PTPRD: variants seen among roughly 807,000 people sequenced by gnomAD.
The protein encoded by PTPRD is protein tyrosine phosphatase receptor type D.
In PTPRD, 34 loss-of-function variants were observed where a neutral mutation model predicts 214.5. That is an observed-to-expected ratio of 0.16 (90% CI 0.12 to 0.21). The LOEUF (loss-of-function observed/expected upper bound fraction) is 0.21, where lower values mean the gene tolerates loss of function less well. Among genes scored for constraint, PTPRD ranks in the 10% least tolerant of loss-of-function variants. PTPRD has a pLI of 1.00. For missense variants in PTPRD, 2,545 were observed against 2,398.7 expected, an observed-to-expected ratio of 1.06 and a Z score of -1.27; for synonymous variants, 1,128 against 845.7, an observed-to-expected ratio of 1.33 and a Z score of -5.79.
intron 11 of PTPRD, among the ~76,000 whole-genome samples, chr9:8,940,771 T>C (rs2099028679): frequency 6.6e-6 from 1 of 152,062 alleles, no homozygotes; most frequent in Non-Finnish European, 1.5e-5. Flanking sequence ...CCCCTTTCAG[T>C]ACTGTTCCTT....
intron 7 of PTPRD, among the ~76,000 whole-genome samples, chr9:9,712,385 T>C (rs1028435864): frequency 6.6e-5 from 10 of 151,496 alleles, no homozygotes; most frequent in East Asian, 2.1e-4. Flanking sequence ...TAAACTTTGA[T>C]TGTAATTTAA....
intron 9 of PTPRD, among the ~76,000 whole-genome samples, chr9:9,248,179 A>C (rs2099973893): frequency 6.6e-6 from 1 of 151,954 alleles, no homozygotes; most frequent in Non-Finnish European, 1.5e-5. Flanking sequence ...TGCAACCTTT[A>C]ACTCCCAGGT....
intron 11 of PTPRD, among the ~76,000 whole-genome samples, chr9:8,803,486 T>C (rs191635362): frequency 1.9e-3 from 289 of 152,322 alleles, no homozygotes; most frequent in African/African-American, 6.8e-3. Flanking sequence ...AGCATTATTA[T>C]CTTTAACCTT....
intron 7 of PTPRD, among the ~76,000 whole-genome samples, chr9:9,586,206 A>T (rs2091920827): frequency 6.6e-6 from 1 of 151,868 alleles, no homozygotes; most frequent in South Asian, 2.1e-4. Context: ...TTCCCCTTCC[A>T]ATTACAGGGC....
At chr9:8,707,888 T>C (rs1329371839) in intron 12 of PTPRD, among the ~76,000 whole-genome samples, 2 of 152,222 alleles carry the variant, frequency 1.3e-5, no homozygotes, top group East Asian at 3.9e-4. Flanking sequence ...GGTTGTGTAT[T>C]GTCTCTCTCA....
intron 7 of PTPRD, among the ~76,000 whole-genome samples, chr9:9,628,749 G>A (rs2095498064): frequency 6.6e-6 from 1 of 151,816 alleles, no homozygotes; most frequent in African/African-American, 2.4e-5. Flanking sequence ...GTTTTTCCAT[G>A]ATTATGTAAT....
At chr9:9,828,207 A>G (rs2053621828) in intron 5 of PTPRD, among the ~76,000 whole-genome samples, 1 of 152,108 alleles carries the variant, frequency 6.6e-6, no homozygotes, top group African/African-American at 2.4e-5. Flanking sequence ...ATACACACGC[A>G]TGTTTATTGT....
chr9:8,542,648 C>A lies in PTPRD; in HGVS notation c.353-13869G>T, dbSNP rs557861685. ...CCAATAGAGCTGCCCCTGGATGGAG[C>A]ACAGCACTAAGTACAAAGCAAGTGT... On this transcript the variant is annotated intron_variant, in intron 14 of 45. Coordinates refer to ENST00000381196, the MANE Select transcript of PTPRD (RefSeq NM_002839.4). 5.6e-4 allele frequency among the ~76,000 whole-genome samples: 85 copies of A among 152,354 alleles called. 1 individual carries two copies. The highest frequency in any genetic ancestry group is 1.9e-3 in the African/African-American group (77 of 41,578).
At chr9:9,284,049 A>C (rs1948619368) in intron 9 of PTPRD, among the ~76,000 whole-genome samples, 1 of 151,708 alleles carries the variant, frequency 6.6e-6, no homozygotes, top group African/African-American at 2.4e-5. Flanking sequence ...TTTAAAGTCA[A>C]TACAATATCT....
rs36007156 is a variant in PTPRD, at chr9:8,581,913, C to CAAAAAAAAA, written c.352+51395_352+51403dup. Among the ~76,000 whole-genome samples the CAAAAAAAAA allele has an allele frequency of 7.3e-3, 255 of 34,944 alleles. 7 individuals are homozygous for CAAAAAAAAA. Among genetic ancestry groups the CAAAAAAAAA allele is most frequent in the African/African-American group, 0.011 (134 of 12,164 alleles). 22.9% of individuals were successfully genotyped at this position (34,944 alleles called of 152,430 possible). On this transcript the variant is annotated intron_variant, in intron 14 of 45. Transcript: ENST00000381196. ...GGATGACAGAGCATGACTCAATCTC[C>CAAAAAAAAA]AAAAAAAAAAAAAAAAAAAAAAAAA...
intron 5 of PTPRD, among the ~76,000 whole-genome samples, chr9:9,860,697 C>T (rs2062545376): frequency 6.6e-6 from 1 of 152,156 alleles, no homozygotes; most frequent in Non-Finnish European, 1.5e-5. Context: ...TAGACTATCC[C>T]ATTTTATAAA....
chr9:9,092,325 G>A (rs115042635), intron 10 of PTPRD, among the ~76,000 whole-genome samples: 2 of 152,076 alleles, frequency 1.3e-5, no homozygotes, highest in East Asian at 1.9e-4. Flanking sequence ...TCTATACCAA[G>A]GTATTTATAA....
chr9:9,050,447 C>T (rs1015354041), intron 10 of PTPRD, among the ~76,000 whole-genome samples: 1 of 152,142 alleles, frequency 6.6e-6, no homozygotes, highest in Non-Finnish European at 1.5e-5. Context: ...TGTTCCCTGT[C>T]CCTACATGCC....
At chr9:8,984,244 C>A (rs751381328) in intron 11 of PTPRD, among the ~76,000 whole-genome samples, 1 of 151,944 alleles carries the variant, frequency 6.6e-6, no homozygotes, top group African/African-American at 2.4e-5. Flanking sequence ...AATCTACTTT[C>A]AAACATTTTA....
At chr9:9,245,403 A>G (rs1459463974) in intron 9 of PTPRD, among the ~76,000 whole-genome samples, 1 of 152,178 alleles carries the variant, frequency 6.6e-6, no homozygotes, top group Non-Finnish European at 1.5e-5. Context: ...GATTAAGAAA[A>G]TGTGGCACAT....
Position 9,333,388 on chromosome 9 carries a change from G to C in PTPRD, c.-203+64061C>G, listed in dbSNP as rs1291510141. ...AGAGGATGGAGTAAAGACAGAGAGA[G>C]TATGGATTGTTTAGGGGAGAATAAA... On this transcript the variant is annotated intron_variant, in intron 9 of 45. Coordinates refer to ENST00000381196, the MANE Select transcript of PTPRD (RefSeq NM_002839.4). Among the ~76,000 whole-genome samples, 5 of 150,878 alleles carry C rather than the reference G, an allele frequency of 3.3e-5. No homozygotes were observed. The East Asian group carries it at 9.7e-4, about 29-fold the overall frequency.
chr9:10,235,718 CT>C (rs1193356124), intron 3 of PTPRD, among the ~76,000 whole-genome samples: 1 of 151,976 alleles, frequency 6.6e-6, no homozygotes, highest in Admixed American at 6.6e-5. Context: ...CGTGATCTCA[CT>C]TTATAGATTA....
chr9:8,546,149 C>A (rs1288064850), intron 14 of PTPRD, among the ~76,000 whole-genome samples: 1 of 152,102 alleles, frequency 6.6e-6, no homozygotes. Context: ...ACAACTTGGC[C>A]AGAGGAGTAA....
intron 6 of PTPRD, among the ~76,000 whole-genome samples, chr9:9,750,393 C>T (rs1564968387): frequency 6.6e-6 from 1 of 152,060 alleles, no homozygotes; most frequent in African/African-American, 2.4e-5. Flanking sequence ...AAATTATAGA[C>T]TCCCTCAGCT....
Sources: gnomAD v4.1 joint callset for allele counts (sites outside exome capture counted in the v4.1 genomes callset) on GRCh38, gnomAD v4.1.1 for gene constraint, MANE v1.5 for transcripts, NCBI Gene and HGNC (gene_info 2026-07-23, HGNC 2026-07-21) for gene names.